Variants in PTPRM observed in about 807,000 individuals in gnomAD.
PTPRM encodes the protein receptor-type tyrosine-protein phosphatase mu.
PTPRM carries 47 observed loss-of-function variants against 186.7 expected under a neutral mutation model. The ratio of observed to expected loss-of-function variants is 0.25; its 90% CI spans 0.20 to 0.32. PTPRM has a LOEUF of 0.32. Among genes scored for constraint, PTPRM ranks in the 10% least tolerant of loss-of-function variants. PTPRM has a pLI of 1.00. For synonymous variants in PTPRM, 668 were observed against 674.9 expected (o/e 0.99, Z 0.16); for missense variants, 1,494 against 1,865.0 (o/e 0.80, Z 3.66).
At chr18:7,642,497 C>G (rs1332338593) in intron 1 of PTPRM, among the ~76,000 whole-genome samples, 1 of 152,092 alleles carries the variant, frequency 6.6e-6, no homozygotes, top group Non-Finnish European at 1.5e-5. Context: ...TTTTTGAGGT[C>G]AGGAAGCTAA....
chr18:8,376,572 G>A lies in PTPRM; in HGVS notation c.3437G>A (p.Arg1146Gln), dbSNP rs760232949. Reference sequence around the variant, plus strand: ...AACTGCGTCAGGGAGCTGCGGTCACGGAGGGTGAACATGGTGCAAACAGAG... The same window carrying A: ...AACTGCGTCAGGGAGCTGCGGTCACAGAGGGTGAACATGGTGCAAACAGAG... ...IYNCVRELRS[R>Q]RVNMVQTEEQ... Residue 1146 changes from arginine (R) to glutamine (Q), a missense_variant, in exon 26 of 33, where the codon CGG becomes CAG. Arg to Gln is a conservative substitution (Grantham distance 43, BLOSUM62 1). This residue lies in a region of PTPRM where 1,107 missense variants were observed against 1,350.2 expected (regional missense o/e 0.82). Transcript: ENST00000580170. 1.1e-5 allele frequency: 18 copies of A among 1,613,572 alleles called. No individual in the cohort carries two copies. Among genetic ancestry groups the A allele is most frequent in the East Asian group, 8.9e-5 (4 of 44,874 alleles).
intron 1 of PTPRM, among the ~76,000 whole-genome samples, chr18:7,772,428 C>CT: frequency 7.9e-6 from 1 of 127,208 alleles, no homozygotes; most frequent in South Asian, 2.5e-4. Flanking sequence ...TTCTTTCTCC[C>CT]TTCCCCTTCC....
chr18:7,712,983 A>G (rs1222974382), intron 1 of PTPRM, among the ~76,000 whole-genome samples: 2 of 152,194 alleles, frequency 1.3e-5, no homozygotes, highest in Admixed American at 1.3e-4. Context: ...CAACCTAGCA[A>G]GACAGGCCAA....
chr18:8,076,926 AC>A (rs2089853591), intron 9 of PTPRM, among the ~76,000 whole-genome samples: 1 of 152,218 alleles, frequency 6.6e-6, no homozygotes, highest in Non-Finnish European at 1.5e-5. Flanking sequence ...ATATTTTACT[AC>A]TGAATTATAG....
rs761188168 is a variant in PTPRM at position 7,668,006 on chromosome 18, C to A, written c.73+100115C>A. On this transcript the variant is annotated intron_variant, in intron 1 of 32. Coordinates refer to ENST00000580170, the MANE Select transcript of PTPRM (RefSeq NM_001105244.2). This position sits in a 1 kb window ranked among gnomAD's most constrained non-coding sequence, Gnocchi z 4.7. ...AGGTAATCGAAGGGCAGTCCACCTA[C>A]GTGCCACAAGTTCTGAGTAAATGTG... 6.6e-6 allele frequency among the ~76,000 whole-genome samples: 1 copy of A among 152,130 alleles called. No individual in the cohort carries two copies. The highest frequency in any genetic ancestry group is 2.4e-5 in the African/African-American group (1 of 41,402).
At chr18:8,376,270 G>A (rs776592145) in intron 25 of PTPRM, 70 bp downstream of exon 25, 81 of 1,574,324 alleles carry the variant, frequency 5.1e-5, no homozygotes, top group Non-Finnish European at 6.7e-5. Flanking sequence ...CTTTGGGGAT[G>A]ATGAGTATGT....
chr18:8,038,754 A>G (rs1292103580), intron 7 of PTPRM, among the ~76,000 whole-genome samples: 1 of 152,156 alleles, frequency 6.6e-6, no homozygotes, highest in Non-Finnish European at 1.5e-5. Flanking sequence ...CAGTGTTCAT[A>G]GTATTTCCAG....
chr18:8,267,042 A>G (rs2094709523), intron 19 of PTPRM, among the ~76,000 whole-genome samples: 1 of 152,224 alleles, frequency 6.6e-6, no homozygotes, highest in African/African-American at 2.4e-5. Flanking sequence ...CTTCAGGGAA[A>G]CTATATGAGA....
At chr18:7,710,608 C>T (rs1022801754) in intron 1 of PTPRM, among the ~76,000 whole-genome samples, 60 of 152,214 alleles carry the variant, frequency 3.9e-4, no homozygotes, top group African/African-American at 1.3e-3. Flanking sequence ...GCCAAACTGC[C>T]GCTGTTTGCT....
chr18:8,308,454 C>A (rs2095243069), intron 20 of PTPRM, among the ~76,000 whole-genome samples: 1 of 152,100 alleles, frequency 6.6e-6, no homozygotes, highest in Non-Finnish European at 1.5e-5. Context: ...AATCTAATAG[C>A]CACACTAAGT....
At chr18:8,396,986 A>C (rs1040663517) in intron 32 of PTPRM, among the ~76,000 whole-genome samples, 1 of 152,228 alleles carries the variant, frequency 6.6e-6, no homozygotes, top group Non-Finnish European at 1.5e-5. Flanking sequence ...AGGGTGATAA[A>C]GTCTGGTACA....
intron 2 of PTPRM, among the ~76,000 whole-genome samples, chr18:7,778,920 A>G (rs899775379): frequency 2.0e-5 from 3 of 152,234 alleles, no homozygotes; most frequent in African/African-American, 7.2e-5. Flanking sequence ...TAATTATCAC[A>G]TAGATTAAGA....
At chr18:8,313,737 C>T (rs922159745) in intron 20 of PTPRM, among the ~76,000 whole-genome samples, 25 of 152,198 alleles carry the variant, frequency 1.6e-4, no homozygotes, top group African/African-American at 5.5e-4. Flanking sequence ...TTCTCCCTTA[C>T]CCCCTTCTCC....
chr18:7,819,847 A>G (rs1053663709), intron 2 of PTPRM, among the ~76,000 whole-genome samples: 1 of 152,092 alleles, frequency 6.6e-6, no homozygotes, highest in South Asian at 2.1e-4. Context: ...CCACCATCGC[A>G]TGTCCTAAGA....
At chr18:8,141,383 C>G (rs546873097) in intron 13 of PTPRM, among the ~76,000 whole-genome samples, 3 of 152,294 alleles carry the variant, frequency 2.0e-5, no homozygotes, top group South Asian at 2.1e-4. Flanking sequence ...ACATTTCATT[C>G]CCTTGACCTG....
chr18:7,819,029 G>C (rs2045015666), intron 2 of PTPRM, among the ~76,000 whole-genome samples: 2 of 152,216 alleles, frequency 1.3e-5, no homozygotes, highest in Non-Finnish European at 2.9e-5. Context: ...TTTGAGGAAA[G>C]GGTATTATTC....
chr18:7,899,271 T>A (rs543301374), intron 3 of PTPRM, among the ~76,000 whole-genome samples: 5 of 152,360 alleles, frequency 3.3e-5, no homozygotes, highest in African/African-American at 1.2e-4. Context: ...CGACAGAACA[T>A]TGCCCTGCCT....
chr18:7,978,786 T>A (rs1206407946), intron 7 of PTPRM, among the ~76,000 whole-genome samples: 3 of 152,254 alleles, frequency 2.0e-5, no homozygotes, highest in Non-Finnish European at 4.4e-5. Context: ...AAGGTTAGGA[T>A]ATGAAACATT....
chr18:8,380,924 G>A (rs916899475), intron 29 of PTPRM, among the ~76,000 whole-genome samples: 3 of 152,156 alleles, frequency 2.0e-5, no homozygotes, highest in Admixed American at 6.5e-5. Flanking sequence ...GGTAGAGATT[G>A]TCATGCAGGG....
Sources: allele counts gnomAD v4.1 joint callset (sites outside exome capture counted in the v4.1 genomes callset), GRCh38; gene constraint gnomAD v4.1.1; regional missense constraint gnomAD v4.1.1; non-coding constraint Gnocchi (gnomAD v3.1); transcripts MANE v1.5; gene names NCBI Gene and HGNC (gene_info 2026-07-23, HGNC 2026-07-21).